PAK6: variants seen among roughly 807,000 people sequenced by gnomAD.
The protein encoded by PAK6 is serine/threonine-protein kinase PAK 6.
A neutral mutation model predicts 60.8 loss-of-function variants in PAK6; 33 were observed. The observed-to-expected ratio is 0.54, with a 90% CI of 0.41 to 0.73. The LOEUF is 0.73. PAK6 is among the 30% of genes least tolerant of loss of function. The pLI, the probability that PAK6 is intolerant of heterozygous loss-of-function variation, is 0.00. For synonymous variants in PAK6, 404 were observed against 378.5 expected, an observed-to-expected ratio of 1.07 and a Z score of -0.78; for missense variants, 845 against 904.1, an observed-to-expected ratio of 0.93 and a Z score of 0.84.
Position 40,248,816 on chromosome 15 carries a change from G to A in PAK6, c.-117-4362G>A, listed in dbSNP as rs1394637141. Among the ~76,000 whole-genome samples, 4 of 152,190 alleles carry A rather than the reference G, an allele frequency of 2.6e-5. No individual in the cohort carries two copies. In the East Asian group the frequency reaches 7.7e-4, roughly 29 times the overall value. ...ACACAAATGCCTTATATTAAGGTCT[G>A]AGTTGGTCTCTCCCCACTGCCCGTT... On this transcript the variant is annotated intron_variant, in intron 2 of 10. Coordinates refer to ENST00000560346, the Ensembl canonical transcript of PAK6.
intron 5 of PAK6, 136 bp downstream of exon 5, chr15:40,266,631 C>T (rs547036051): frequency 1.7e-5 from 13 of 783,574 alleles, no homozygotes; most frequent in African/African-American, 1.2e-4. Flanking sequence ...GAAATGTGCA[C>T]GGTAACCTCT....
chr15:40,270,497 C>T (rs1217590463), intron 5 of PAK6, among the ~76,000 whole-genome samples: 5 of 152,200 alleles, frequency 3.3e-5, no homozygotes, highest in Admixed American at 3.3e-4. Flanking sequence ...GAGACAGGCT[C>T]AGAGAGGATG....
intron 3 of PAK6, among the ~76,000 whole-genome samples, chr15:40,261,590 C>T (rs1045393321): frequency 6.6e-6 from 1 of 152,092 alleles, no homozygotes; most frequent in African/African-American, 2.4e-5. Context: ...TAAATTCACT[C>T]CCTTAATCCC....
At chr15:40,265,724 G>T in intron 4 of PAK6, 118 bp from the exon 5 acceptor site, 2 of 831,664 alleles carry the variant, frequency 2.4e-6, no homozygotes, top group East Asian at 2.9e-5. Flanking sequence ...CAGCAGGGAA[G>T]GTCCTTAGGT....
rs1314851966 is a variant in PAK6, at chr15:40,252,378, G to A, written c.-117-800G>A. 5 of 1,321,682 alleles carry A rather than the reference G, an allele frequency of 3.8e-6. No individual in the cohort carries two copies. In the African/African-American group the frequency reaches 7.4e-5, roughly 20 times the overall value. 81.9% of individuals were successfully genotyped at this position (1,321,682 alleles called of 1,614,324 possible). ...GCGGCTGTGGCCAGGCCAGGGCCCG[G>A]AGGCGAAGGGCGGGCGGGAACTGGG... On this transcript the variant is annotated intron_variant, in intron 2 of 10. Transcript: ENST00000560346.
At chr15:40,252,823 G>A (rs1195640412) in intron 2 of PAK6, 1 of 1,290,208 alleles carries the variant, frequency 7.8e-7, no homozygotes, top group Non-Finnish European at 1.0e-6. Flanking sequence ...TTGGGCGCAG[G>A]CATCTGGAGC....
chr15:40,252,870 C>G (rs755890704), intron 2 of PAK6: 10 of 1,248,748 alleles, frequency 8.0e-6, no homozygotes, highest in Non-Finnish European at 4.1e-6. Flanking sequence ...TCCGCGGGCG[C>G]CCGCCCGGCG....
chr15:40,257,837 A>G (rs1033124573), intron 3 of PAK6, among the ~76,000 whole-genome samples: 1 of 151,822 alleles, frequency 6.6e-6, no homozygotes, highest in Non-Finnish European at 1.5e-5. Flanking sequence ...ATCTGTGGAC[A>G]CTAGACCAGC....
intron 2 of PAK6, chr15:40,245,950 A>G (rs1035768712): frequency 2.0e-5 from 3 of 152,080 alleles, no homozygotes; most frequent in African/African-American, 7.2e-5. Flanking sequence ...CTTTGCTCCT[A>G]TTGTGCTATT....
chr15:40,264,976 T>G, exon 4 of PAK6: 3 of 1,613,204 alleles, frequency 1.9e-6, no homozygotes, highest in Non-Finnish European at 2.5e-6. Context: ...CGGGTGCAGC[T>G]CCAGCCCATG....
At chr15:40,272,349 C>T (rs1372900562) in exon 6 of PAK6, 10 of 1,613,854 alleles carry the variant, frequency 6.2e-6, no homozygotes, top group Non-Finnish European at 8.5e-6. Flanking sequence ...ATACCAGCAG[C>T]CCCCAGAAGT....
chr15:40,272,887 C>A, exon 7 of PAK6: 1 of 1,614,034 alleles, frequency 6.2e-7, no homozygotes, highest in Non-Finnish European at 8.5e-7. Flanking sequence ...GCGGGACTAC[C>A]AGCACTTCAA....
exon 11 of PAK6, chr15:40,276,195 T>G: frequency 8.6e-7 from 1 of 1,161,670 alleles, no homozygotes; most frequent in Non-Finnish European, 1.3e-6. Flanking sequence ...CAGTATTCTC[T>G]CCAAAGATTG....
At chr15:40,255,866 G>T (rs577715388) in intron 3 of PAK6, among the ~76,000 whole-genome samples, 2 of 152,292 alleles carry the variant, frequency 1.3e-5, no homozygotes, top group African/African-American at 4.8e-5. Context: ...TTGGGCCAAG[G>T]GGAAGGTCAG....
At chr15:40,276,183 C>T in exon 11 of PAK6, 1 of 1,201,030 alleles carries the variant, frequency 8.3e-7, no homozygotes, top group Non-Finnish European at 1.2e-6. Flanking sequence ...GCCTCCTCCT[C>T]TCAGTATTCT....
chr15:40,276,339 C>A, exon 11 of PAK6: 1 of 525,890 alleles, frequency 1.9e-6, no homozygotes, highest in Non-Finnish European at 3.4e-6. Flanking sequence ...GATATTTGCA[C>A]AGGGATATTT....
At chr15:40,266,036 C>G in exon 5 of PAK6, 1 of 1,605,606 alleles carries the variant, frequency 6.2e-7, no homozygotes, top group Non-Finnish European at 8.5e-7. Flanking sequence ...TCCAGAGCCC[C>G]CAGTCTGAGC....
exon 6 of PAK6, chr15:40,272,718 C>T (rs1006606): frequency 9.8e-4 from 1,553 of 1,585,794 alleles, no homozygotes; most frequent in Admixed American, 2.3e-3. Context: ...TGCTCTTCAA[C>T]GAGGTGGGAG....
intron 7 of PAK6, 77 bp downstream of exon 7, chr15:40,273,076 C>T: frequency 6.4e-7 from 1 of 1,552,746 alleles, no homozygotes; most frequent in Non-Finnish European, 8.8e-7. Flanking sequence ...TGGTCTTCTG[C>T]CTGTGGCCCA....
Sources: allele counts gnomAD v4.1 joint callset (sites outside exome capture counted in the v4.1 genomes callset), GRCh38; gene constraint gnomAD v4.1.1; transcripts MANE v1.5; gene names NCBI Gene and HGNC (gene_info 2026-07-23, HGNC 2026-07-21).